NLRP10: variants seen among roughly 807,000 people sequenced by gnomAD.
NLRP10 encodes the protein NLR family pyrin domain containing 10, also known as NACHT, LRR and PYD domains-containing protein 10.
NLRP10 carries 7 observed loss-of-function variants against 8.2 expected under a neutral mutation model. That is an observed-to-expected ratio of 0.85 (90% CI 0.48 to 1.60). The LOEUF is 1.60. NLRP10 is among the 40% of genes most tolerant of loss of function. The probability of loss-of-function intolerance (pLI) is 0.00; values close to 1 mark genes in which losing one functional copy is unlikely to be tolerated. For missense variants in NLRP10, 814 were observed against 776.3 expected (o/e 1.05, Z -0.58); for synonymous variants, 338 against 314.0 (o/e 1.08, Z -0.81).
At position 7,960,896 on chromosome 11, in the gene NLRP10, C is replaced by G; in HGVS notation, c.716G>C (p.Arg239Thr). 1 of 1,614,164 alleles carries G rather than the reference C, an allele frequency of 6.2e-7. No homozygotes were observed. Among genetic ancestry groups the G allele is most frequent in the Non-Finnish European group, 8.5e-7 (1 of 1,180,020 alleles). The change falls in exon 3 of 3, where the codon AGG becomes ACG. Residue 239 changes from arginine to threonine, a missense_variant. Arg to Thr is a moderately conservative substitution (Grantham distance 71, BLOSUM62 -1). Transcript: ENST00000691676. ...GATGAACAGGAGCCGCTCTGGCTGCCTCAGAATCTCTGTGACAGGGGCTTG... is the reference window on the plus strand; with the variant it reads ...GATGAACAGGAGCCGCTCTGGCTGCGTCAGAATCTCTGTGACAGGGGCTTG... ...DNQAPVTEIL[R>T]QPERLLFILD...
At chr11:7,964,863 A>G (rs1228443674) in intron 1 of NLRP10, among the ~76,000 whole-genome samples, 3 of 152,252 alleles carry the variant, frequency 2.0e-5, no homozygotes, top group African/African-American at 7.2e-5. Flanking sequence ...TTCAGAATCC[A>G]GAAATACACC....
Position 7,960,166 on chromosome 11 carries a change from C to G in NLRP10, c.1446G>C (p.Glu482Asp), listed in dbSNP as rs150008504. The G allele has an allele frequency of 1.2e-5, 20 of 1,613,972 alleles. No individual in the cohort carries two copies. The African/African-American group carries it at 2.5e-4, about 20-fold the overall frequency. Reference protein sequence around the residue: ...FFHAMSYLVKEDQSRLGKESR... With the variant: ...FFHAMSYLVKDDQSRLGKESR... ...ACTCCTTCCCCAGCCGGCTTTGGTC[C>G]TCTTTCACCAGGTAAGACATGGCAT... is the stretch of plus-strand genomic sequence containing the variant. Residue 482 changes from glutamate to aspartate, a missense_variant, in exon 3 of 3, where the codon GAG becomes GAC. Glu to Asp is a conservative substitution (Grantham distance 45). Transcript: ENST00000691676.
At chr11:7,961,888 T>G (rs980950959) in intron 2 of NLRP10, among the ~76,000 whole-genome samples, 5 of 152,130 alleles carry the variant, frequency 3.3e-5, no homozygotes, top group Non-Finnish European at 7.4e-5. Context: ...TAGTGGGAGT[T>G]GTTTTTGTCA....
chr11:7,962,903 C>T (rs1000998052), intron 2 of NLRP10, among the ~76,000 whole-genome samples: 1 of 152,218 alleles, frequency 6.6e-6, no homozygotes, highest in African/African-American at 2.4e-5. Flanking sequence ...CCTTCACCAA[C>T]ACCCTCCCAG....
rs1005068067 is a variant in NLRP10, at chr11:7,957,649, G to T, written c.*1995C>A. 6.6e-6 allele frequency among the ~76,000 whole-genome samples: 1 copy of T among 152,018 alleles called. No individual in the cohort carries two copies. Among genetic ancestry groups the T allele is most frequent in the African/African-American group, 2.4e-5 (1 of 41,386 alleles). On this transcript the variant is annotated 3_prime_UTR_variant, in exon 3 of 3. Coordinates refer to ENST00000691676, the MANE Select transcript of NLRP10 (RefSeq NM_001391958.1). The stretch of plus-strand genomic sequence containing the variant: ...TCCACCACCACCACCCCCTCACAAA[G>T]TTTCTCTTATTAACATCTTGCATTA...
chr11:7,961,835 A>T (rs1235882382), intron 2 of NLRP10, among the ~76,000 whole-genome samples: 1 of 152,104 alleles, frequency 6.6e-6, no homozygotes, highest in Non-Finnish European at 1.5e-5. Flanking sequence ...ATCCCCTCCA[A>T]ATTTCAGGTT....
In NLRP10 at chr11:7,964,595, G is replaced by A. The variant is rs569767536; in HGVS notation, c.-46+651C>T. Among the ~76,000 whole-genome samples, 7 of 152,286 alleles carry A rather than the reference G, an allele frequency of 4.6e-5. No individual in the cohort carries two copies. The South Asian group carries it at 8.3e-4, about 18-fold the overall frequency. On this transcript the variant is annotated intron_variant, in intron 1 of 2. Transcript: ENST00000691676. ...CAGAGTTTTCCAGAGCTAGGCCACCGGGCAAAGAGGCAGGATTTAAACTGG... is the reference window on the plus strand; with the variant it reads ...CAGAGTTTTCCAGAGCTAGGCCACCAGGCAAAGAGGCAGGATTTAAACTGG...
chr11:7,961,225 C>G lies in NLRP10; in HGVS notation c.387G>C (p.Lys129Asn). The stretch of plus-strand genomic sequence containing the variant: ...GTGATTCTGGGCTCTCTGAGCTGGG[C>G]TTGGCCACCAGGAGCACCTGGTTGT... ...GRYNQVLLVAKPSSESPESLA... is the reference protein window; with the variant it reads ...GRYNQVLLVANPSSESPESLA... Residue 129 changes from lysine (K) to asparagine (N), a missense_variant, in exon 3 of 3, where the codon AAG becomes AAC. Transcript: ENST00000691676. 2.5e-6 allele frequency: 4 copies of G among 1,613,684 alleles called. No individual in the cohort carries two copies. Among genetic ancestry groups the G allele is most frequent in the Non-Finnish European group, 3.4e-6 (4 of 1,179,766 alleles).
At chr11:7,964,900 A>C (rs1235779362) in intron 1 of NLRP10, among the ~76,000 whole-genome samples, 1 of 152,256 alleles carries the variant, frequency 6.6e-6, no homozygotes, top group African/African-American at 2.4e-5. Flanking sequence ...TAGGGAACCC[A>C]TCTCAGTAGT....
Position 7,960,107 on chromosome 11 carries a change from T to C in NLRP10, c.1505A>G (p.Lys502Arg), listed in dbSNP as rs571019298. ...RREVQRLLEV[K>R]EQEGNDEMTL... ...CATCTCATCATTCCCTTCCTGCTCC[T>C]TTACCTCCAGCAGCCTTTGCACTTC... Residue 502 changes from lysine to arginine, a missense_variant, in exon 3 of 3, where the codon AAG becomes AGG. Lys to Arg is a conservative substitution (Grantham distance 26). Transcript: ENST00000691676. 2.2e-5 allele frequency: 35 copies of C among 1,614,120 alleles called. No individual in the cohort carries two copies. The highest frequency in any genetic ancestry group is 1.8e-4 in the Admixed American group (11 of 60,004).
Position 7,961,340 on chromosome 11 carries a change from G to A in NLRP10, c.290-18C>T. 6.7e-7 allele frequency: 1 copy of A among 1,490,124 alleles called. No homozygotes were observed. The allele number at this position is 1,490,124 out of a possible 1,614,324, so 92.3% of individuals were successfully genotyped here. A position where few individuals can be genotyped will look rare whatever the true frequency, so the allele number is the denominator to read the frequency against. On this transcript the variant is annotated intron_variant, in intron 2 of 2. Transcript: ENST00000691676. ...TCTGTAATCTGAGCCAAACAAATGG[G>A]ATGTTAGGTAGTGAAATGGGAATTT...
Position 7,961,192 on chromosome 11 carries a change from G to T in NLRP10, c.420C>A (p.Cys140Ter). The T allele has an allele frequency of 3.1e-6, 5 of 1,613,918 alleles. No homozygotes were observed. Among genetic ancestry groups the T allele is most frequent in the Non-Finnish European group, 4.2e-6 (5 of 1,179,938 alleles). Reference sequence around the variant, plus strand: ...ACTCCAGCTCCTGCTCCGGGAAGGGGCAGGCAAGTGATTCTGGGCTCTCTG... The same window carrying T: ...ACTCCAGCTCCTGCTCCGGGAAGGGTCAGGCAAGTGATTCTGGGCTCTCTG... ...PSSESPESLA[C>*]PFPEQELESV... The change falls in exon 3 of 3, where the codon TGC (cysteine) becomes TGA (stop). Residue 140 changes from cysteine to a stop codon, truncating the protein, a stop_gained. Coordinates refer to ENST00000691676, the MANE Select transcript of NLRP10 (RefSeq NM_001391958.1). LOFTEE classifies it low-confidence loss of function (END_TRUNC).
In NLRP10 at chr11:7,959,963, T is replaced by C. The variant is rs748500424; in HGVS notation, c.1649A>G (p.Glu550Gly). The C allele has an allele frequency of 6.2e-7, 1 of 1,614,198 alleles. No homozygotes were observed. The highest frequency in any genetic ancestry group is 1.7e-5 in the Admixed American group (1 of 60,026). Reference sequence around the variant, plus strand: ...GTTGTGCTTCATAGATTCCATCTGTTCTTTAAAATGCTTCAGATCCTGCGC... The same window carrying C: ...GTTGTGCTTCATAGATTCCATCTGTCCTTTAAAATGCTTCAGATCCTGCGC... Reference protein sequence around the residue: ...CLAQDLKHFKEQMESMKHNRT... With the variant: ...CLAQDLKHFKGQMESMKHNRT... Residue 550 changes from glutamate (E) to glycine (G), a missense_variant, in exon 3 of 3, where the codon GAA becomes GGA. Transcript: ENST00000691676.
Position 7,959,773 on chromosome 11 carries a change from C to T in NLRP10, c.1839G>A (p.Lys613=). Residue 613 remains lysine, a synonymous_variant, in exon 3 of 3, where the codon AAG becomes AAA. Transcript: ENST00000691676. ...SVKSSLSHGP[K]EEQKCPSVHG... The stretch of plus-strand genomic sequence containing the variant: ...GGACAGAAGGACATTTTTGCTCCTC[C>T]TTAGGTCCATGACTCAAGCTGCTTT... 1 of 1,613,862 alleles carries T rather than the reference C, an allele frequency of 6.2e-7. No individual in the cohort carries two copies.
chr11:7,961,681 A>C (rs529515728), intron 2 of NLRP10, among the ~76,000 whole-genome samples: 1 of 152,328 alleles, frequency 6.6e-6, no homozygotes, highest in East Asian at 1.9e-4. Flanking sequence ...ATGTAAGTGC[A>C]AAATGCCTGT....
In NLRP10 at chr11:7,960,352, C is replaced by A. The variant is rs1198194597; in HGVS notation, c.1260G>T (p.Gly420=). Reference sequence around the variant, plus strand: ...CAAATAGGAACCTCTGGTGCTGAATCCCTTCAGCTGCTAGGGAGCACAGAC... The same window carrying A: ...CAAATAGGAACCTCTGGTGCTGAATACCTTCAGCTGCTAGGGAGCACAGAC... The part of the protein sequence containing the change: ...LRSLCSLAAE[G]IQHQRFLFEE... Residue 420 remains glycine, a synonymous_variant, in exon 3 of 3, where the codon GGG becomes GGT. Coordinates refer to ENST00000691676, the MANE Select transcript of NLRP10 (RefSeq NM_001391958.1). 1 of 1,613,838 alleles carries A rather than the reference C, an allele frequency of 6.2e-7. No homozygotes were observed. Among genetic ancestry groups the A allele is most frequent in the Non-Finnish European group, 8.5e-7 (1 of 1,179,918 alleles).
rs746592721 is a variant in NLRP10, at chr11:7,960,006, T to C, written c.1606A>G (p.Arg536Gly). 5.6e-6 allele frequency: 9 copies of C among 1,614,174 alleles called. No homozygotes were observed. Among genetic ancestry groups the C allele is most frequent in the Non-Finnish European group, 7.6e-6 (9 of 1,180,008 alleles). Residue 536 changes from arginine (R) to glycine (G), a missense_variant, in exon 3 of 3, where the codon AGA becomes GGA. Physicochemically the swap from Arg to Gly is moderately radical, Grantham distance 125. Transcript: ENST00000691676. ...FSNLELKFCF[R>G]ISPCLAQDLK... is the part of the protein sequence containing the mutation. The stretch of plus-strand genomic sequence containing the variant: ...TCCTGCGCTAAACAGGGAGAAATTC[T>C]GAAGCAGAACTTGAGCTCCAAGTTC...
rs1207077947 is a variant in NLRP10 at position 7,959,515 on chromosome 11, T to C, written c.*129A>G. The C allele has an allele frequency of 1.8e-6, 1 of 565,616 alleles. No individual in the cohort carries two copies. The highest frequency in any genetic ancestry group is 3.0e-6 in the Non-Finnish European group (1 of 328,204). 35.0% of individuals were successfully genotyped at this position (565,616 alleles called of 1,614,324 possible). ...CAGATCAAACTGGGGAAAACTAACA[T>C]CTTAACAATATTGAGTCTTTCTATT... is the stretch of plus-strand genomic sequence containing the variant. On this transcript the variant is annotated 3_prime_UTR_variant, in exon 3 of 3. Transcript: ENST00000691676.
At position 7,963,541 on chromosome 11, in the gene NLRP10, C is replaced by T; in HGVS notation, c.-45-1G>A. On this transcript the variant is annotated splice_acceptor_variant, in intron 1 of 2. Coordinates refer to ENST00000691676, the MANE Select transcript of NLRP10 (RefSeq NM_001391958.1). LOFTEE classifies it low-confidence loss of function (5UTR_SPLICE). ...AAGTCCAGACCAGAAGACCAGTGAC[C>T]TGGAGAAAGAGGCAAAAGGAGAGGT... 1 of 1,547,724 alleles carries T rather than the reference C, an allele frequency of 6.5e-7. No homozygotes were observed. The highest frequency in any genetic ancestry group is 8.7e-7 in the Non-Finnish European group (1 of 1,145,556).
Sources: allele counts gnomAD v4.1 joint callset (sites outside exome capture counted in the v4.1 genomes callset), GRCh38; gene constraint gnomAD v4.1.1; transcripts MANE v1.5; gene names NCBI Gene and HGNC (gene_info 2026-07-23, HGNC 2026-07-21).